OTUB2: variants seen among roughly 807,000 people sequenced by gnomAD.
The protein encoded by OTUB2 is OTU deubiquitinase, ubiquitin aldehyde binding 2, also known as ubiquitin thioesterase OTUB2.
A neutral mutation model predicts 25.1 loss-of-function variants in OTUB2; 21 were observed. The observed-to-expected ratio is 0.84, with a 90% CI of 0.59 to 1.21. The LOEUF is 1.21. Ranked by LOEUF, OTUB2 falls within the 50% of genes most tolerant of loss-of-function variation. The pLI is 0.00. For synonymous variants in OTUB2, 122 were observed against 122.8 expected, an observed-to-expected ratio of 0.99 and a Z score of 0.04; for missense variants, 283 against 298.0, an observed-to-expected ratio of 0.95 and a Z score of 0.37.
intron 1 of OTUB2, among the ~76,000 whole-genome samples, chr14:94,031,555 T>C (rs1884961905): frequency 6.6e-6 from 1 of 151,482 alleles, no homozygotes; most frequent in South Asian, 2.1e-4. Flanking sequence ...ATGGTGGGAG[T>C]TTTATACCCT....
chr14:94,026,622 C>A, intron 1 of OTUB2, 82 bp downstream of exon 1: 1 of 1,203,812 alleles, frequency 8.3e-7, no homozygotes, highest in Non-Finnish European at 1.0e-6. Context: ...GGTGCACCCG[C>A]GGGACGGGGG....
chr14:94,043,721 C>T (rs940007301), intron 3 of OTUB2, among the ~76,000 whole-genome samples: 3 of 152,224 alleles, frequency 2.0e-5, no homozygotes, highest in Admixed American at 6.5e-5. Context: ...AAATCACACA[C>T]GCCCTTGTCG....
At chr14:94,044,490 G>GT in intron 4 of OTUB2, 96 bp from the exon 5 acceptor site, 1 of 1,256,136 alleles carries the variant, frequency 8.0e-7, no homozygotes, top group African/African-American at 1.5e-5. Context: ...GAAAATGCAC[G>GT]TGAGGGCTTC....
At chr14:94,029,891 G>A (rs1884927801) in intron 1 of OTUB2, among the ~76,000 whole-genome samples, 1 of 152,242 alleles carries the variant, frequency 6.6e-6, no homozygotes, top group Non-Finnish European at 1.5e-5. Context: ...GAGAGGGATG[G>A]GGTGGGGCAT....
chr14:94,038,765 G>A (rs1156362832), intron 2 of OTUB2, among the ~76,000 whole-genome samples, 198 bp from the exon 3 acceptor site: 1 of 152,192 alleles, frequency 6.6e-6, no homozygotes, highest in Admixed American at 6.5e-5. Flanking sequence ...CTGGGGGCAG[G>A]GACGGACACA....
At chr14:94,039,165 C>T (rs772974071) in intron 3 of OTUB2, 84 bp downstream of exon 3, 63 of 1,092,922 alleles carry the variant, frequency 5.8e-5, no homozygotes, top group Non-Finnish European at 7.7e-5. Flanking sequence ...TTTCGTTACA[C>T]TCAGGCTGGT....
At position 94,037,438 on chromosome 14, in the gene OTUB2, A is replaced by T; in HGVS notation, c.62A>T (p.Asp21Val). 1 of 1,606,836 alleles carries T rather than the reference A, an allele frequency of 6.2e-7. No individual in the cohort carries two copies. Among genetic ancestry groups the T allele is most frequent in the South Asian group, 1.1e-5 (1 of 90,852 alleles). The change falls in exon 2 of 6, where the codon GAC becomes GTC. Residue 21 changes from aspartate (D) to valine (V), a missense_variant. Coordinates refer to ENST00000203664, the MANE Select transcript of OTUB2 (RefSeq NM_023112.4). ...TGTGACATTCTATCCATTCTTCGGG[A>T]CCATCCTGAAAACAGGATTTACCGG... ...EKCDILSILR[D>V]HPENRIYRRK...
intron 3 of OTUB2, among the ~76,000 whole-genome samples, chr14:94,042,189 C>CT (rs1446685985): frequency 1.3e-5 from 2 of 152,262 alleles, no homozygotes; most frequent in African/African-American, 4.8e-5. Context: ...AGGGCAGCCA[C>CT]TGTTACTACC....
At chr14:94,038,429 AC>A (rs1215512936) in intron 2 of OTUB2, among the ~76,000 whole-genome samples, 1 of 151,964 alleles carries the variant, frequency 6.6e-6, no homozygotes, top group Non-Finnish European at 1.5e-5. Flanking sequence ...GAACTCCAAG[AC>A]CCCTTGAAAA....
At position 94,026,833 on chromosome 14, in the gene OTUB2, G is replaced by A. The variant is rs889704404; in HGVS notation, c.3+293G>A. Among the ~76,000 whole-genome samples, 11 of 152,314 alleles carry A rather than the reference G, an allele frequency of 7.2e-5. No homozygotes were observed. The South Asian group carries it at 1.0e-3, about 14-fold the overall frequency. ...CCGGGGCGCCGCCTCGACGGCGCTGGGTGGGCGCCCTCGACGGAAGCAGGG... is the reference window on the plus strand; with the variant it reads ...CCGGGGCGCCGCCTCGACGGCGCTGAGTGGGCGCCCTCGACGGAAGCAGGG... On this transcript the variant is annotated intron_variant, in intron 1 of 5. Coordinates refer to ENST00000203664, the MANE Select transcript of OTUB2 (RefSeq NM_023112.4).
At chr14:94,039,328 G>A (rs1885115810) in intron 3 of OTUB2, 1 of 564,674 alleles carries the variant, frequency 1.8e-6, no homozygotes, top group Non-Finnish European at 3.1e-6. Context: ...TTCCACCACA[G>A]GCCTGGGTCA....
At position 94,044,857 on chromosome 14, in the gene OTUB2, G is replaced by A. The variant is rs147384610; in HGVS notation, c.498+77G>A. 2.0e-3 allele frequency: 2,837 copies of A among 1,410,074 alleles called. 22 individuals are homozygous for A. Among genetic ancestry groups the A allele is most frequent in the African/African-American group, 0.018 (1,236 of 70,112 alleles). 87.3% of individuals were successfully genotyped at this position (1,410,074 alleles called of 1,614,324 possible). On this transcript the variant is annotated intron_variant, in intron 5 of 5. Coordinates refer to ENST00000203664, the MANE Select transcript of OTUB2 (RefSeq NM_023112.4). Reference sequence around the variant, plus strand: ...GTCCTGCAGACTTCAGCACCCATCCGTAGCCAAGGGACTCGGGTGTCACGA... The same window carrying A: ...GTCCTGCAGACTTCAGCACCCATCCATAGCCAAGGGACTCGGGTGTCACGA...
chr14:94,048,393 G>C lies in OTUB2; in HGVS notation c.*2471G>C, dbSNP rs1885321345. The C allele has an allele frequency of 6.6e-6, 1 of 152,192 alleles. No individual in the cohort carries two copies. The highest frequency in any genetic ancestry group is 2.4e-5 in the African/African-American group (1 of 41,452). 9.4% of individuals were successfully genotyped at this position (152,192 alleles called of 1,614,324 possible). A position where few individuals can be genotyped will look rare whatever the true frequency, so the allele number is the denominator to read the frequency against. ...AAGAGCACAGTCCCTGCTTTTGACT[G>C]GGTTCCTATTTTAAGCACAAATGAG... On this transcript the variant is annotated 3_prime_UTR_variant, in exon 6 of 6. Coordinates refer to ENST00000203664, the MANE Select transcript of OTUB2 (RefSeq NM_023112.4).
At position 94,047,537 on chromosome 14, in the gene OTUB2, C is replaced by G. The variant is rs557967142; in HGVS notation, c.*1615C>G. The G allele has an allele frequency of 3.9e-5, 6 of 152,338 alleles. No individual in the cohort carries two copies. Among genetic ancestry groups the G allele is most frequent in the Admixed American group, 3.3e-4 (5 of 15,312 alleles). 9.4% of individuals were successfully genotyped at this position (152,338 alleles called of 1,614,324 possible). ...CCTCTGAATTTGTTCAGTGTCCCAC[C>G]ATGGTCTATGAGAAGTACACTGGAA... is the stretch of plus-strand genomic sequence containing the variant. On this transcript the variant is annotated 3_prime_UTR_variant, in exon 6 of 6. Coordinates refer to ENST00000203664, the MANE Select transcript of OTUB2 (RefSeq NM_023112.4).
At chr14:94,030,356 G>T (rs1250502329) in intron 1 of OTUB2, among the ~76,000 whole-genome samples, 1 of 151,590 alleles carries the variant, frequency 6.6e-6, no homozygotes, top group Non-Finnish European at 1.5e-5. Flanking sequence ...GGGGTGGGGG[G>T]CGAGGTGGGC....
intron 3 of OTUB2, among the ~76,000 whole-genome samples, chr14:94,040,374 A>G (rs1490187579): frequency 1.3e-5 from 2 of 151,990 alleles, no homozygotes; most frequent in Non-Finnish European, 2.9e-5. Flanking sequence ...CCCCAACTTC[A>G]TTTCCCCACG....
intron 3 of OTUB2, among the ~76,000 whole-genome samples, chr14:94,040,992 G>C (rs568477944): frequency 1.3e-5 from 2 of 152,334 alleles, no homozygotes; most frequent in African/African-American, 4.8e-5. Context: ...CAGCACGGGG[G>C]ACCTGCCCTG....
At chr14:94,038,049 C>G (rs1885089315) in intron 2 of OTUB2, among the ~76,000 whole-genome samples, 1 of 152,276 alleles carries the variant, frequency 6.6e-6, no homozygotes, top group African/African-American at 2.4e-5. Flanking sequence ...CTCTGCAGGT[C>G]TTCCTCTCGC....
intron 1 of OTUB2, among the ~76,000 whole-genome samples, chr14:94,035,286 C>CTTTTTTTTTTTT (rs761154708): frequency 2.9e-5 from 3 of 104,034 alleles, no homozygotes; most frequent in Non-Finnish European, 5.6e-5. Flanking sequence ...TTTTTCTTTT[C>CTTTTTTTTTTTT]TTTTTTTTTT....
Sources: allele counts gnomAD v4.1 joint callset (sites outside exome capture counted in the v4.1 genomes callset), GRCh38; gene constraint gnomAD v4.1.1; transcripts MANE v1.5; gene names NCBI Gene and HGNC (gene_info 2026-07-23, HGNC 2026-07-21).